Variants in ADGRV1 observed in about 807,000 individuals in gnomAD.
ADGRV1 encodes the protein adhesion G protein-coupled receptor V1.
ADGRV1 carries 359 observed loss-of-function variants against 596.2 expected under a neutral mutation model. The ratio of observed to expected loss-of-function variants is 0.60; its 90% CI spans 0.55 to 0.66. ADGRV1 has a LOEUF of 0.66. Among genes scored for constraint, ADGRV1 ranks in the 30% least tolerant of loss-of-function variants. ADGRV1 has a pLI of 0.00. For synonymous variants in ADGRV1, 2,681 were observed against 2,679.2 expected, an observed-to-expected ratio of 1.00 and a Z score of -0.02; for missense variants, 7,274 against 7,575.6, an observed-to-expected ratio of 0.96 and a Z score of 1.48.
At chr5:90,812,388 A>T (rs531673210) in intron 74 of ADGRV1, among the ~76,000 whole-genome samples, 1 of 152,364 alleles carries the variant, frequency 6.6e-6, no homozygotes, top group South Asian at 2.1e-4. Context: ...GGTACAAGGA[A>T]TGATGTTATG....
chr5:91,061,310 G>A (rs998939993), intron 85 of ADGRV1, among the ~76,000 whole-genome samples: 2 of 152,194 alleles, frequency 1.3e-5, no homozygotes, highest in Admixed American at 1.3e-4. Context: ...AAGTTGGCAA[G>A]CGGTGTCCAG....
chr5:90,600,728 A>G (rs915376240), intron 1 of ADGRV1, among the ~76,000 whole-genome samples: 55 of 152,334 alleles, frequency 3.6e-4, no homozygotes, highest in African/African-American at 1.3e-3. Context: ...AGGAATTGCC[A>G]CATATTTAGC....
At position 90,706,301 on chromosome 5, in the gene ADGRV1, A is replaced by T; in HGVS notation, c.8637A>T (p.Leu2879=). ...TGAAGAACCAAACAGTAGGAAACCTAGCAGAGCCAGAAGTTGATTTTGTCC... is the reference window on the plus strand; with the variant it reads ...TGAAGAACCAAACAGTAGGAAACCTTGCAGAGCCAGAAGTTGATTTTGTCC... ...LSLKNQTVGN[L]AEPEVDFVPI... Residue 2879 remains leucine, a synonymous_variant, in exon 38 of 90, where the codon CTA becomes CTT. Transcript: ENST00000405460. The T allele has an allele frequency of 6.2e-7, 1 of 1,613,632 alleles. No individual in the cohort carries two copies. Among genetic ancestry groups the T allele is most frequent in the Non-Finnish European group, 8.5e-7 (1 of 1,179,684 alleles).
chr5:90,750,038 G>A (rs1016282931), intron 52 of ADGRV1, among the ~76,000 whole-genome samples: 1 of 152,148 alleles, frequency 6.6e-6, no homozygotes, highest in African/African-American at 2.4e-5. Flanking sequence ...CAAGGAGAAA[G>A]CTCTAATTCT....
intron 71 of ADGRV1, among the ~76,000 whole-genome samples, chr5:90,804,738 G>A (rs1230509811): frequency 3.3e-5 from 5 of 152,138 alleles, no homozygotes; most frequent in South Asian, 4.2e-4. Context: ...CCCTGGGAAC[G>A]TTGCACATAA....
At position 91,153,393 on chromosome 5, in the gene ADGRV1, A is replaced by G. The variant is rs1339337383; in HGVS notation, c.18797A>G (p.Lys6266Arg). ...QEFDDLIFAL[K>R]TGAGLSVSDN... ...TTTGATGATTTAATATTTGCATTAA[A>G]AACTGGTATGTATGAACCCATGAAC... The change falls in exon 89 of 90, where the codon AAA (lysine) becomes AGA (arginine). Residue 6266 changes from lysine (K) to arginine (R), a missense_variant. By Grantham distance (26) the Lys-to-Arg change is conservative. This residue lies in a region of ADGRV1 where 1,874 missense variants were observed against 1,970.2 expected (regional missense o/e 0.95). Transcript: ENST00000405460. 3 of 1,601,178 alleles carry G rather than the reference A, an allele frequency of 1.9e-6. No homozygotes were observed. The highest frequency in any genetic ancestry group is 2.6e-6 in the Non-Finnish European group (3 of 1,173,256).
intron 88 of ADGRV1, among the ~76,000 whole-genome samples, chr5:91,150,552 A>G (rs977697277): frequency 7.9e-5 from 12 of 152,180 alleles, no homozygotes; most frequent in African/African-American, 2.9e-4. Context: ...AATCTTTCTA[A>G]TTTGACATGT....
At chr5:90,945,501 C>T (rs2150881293) in intron 83 of ADGRV1, among the ~76,000 whole-genome samples, 1 of 152,202 alleles carries the variant, frequency 6.6e-6, no homozygotes, top group Admixed American at 6.5e-5. Context: ...ATTGGCCAAT[C>T]CAGGGCTTGT....
intron 85 of ADGRV1, among the ~76,000 whole-genome samples, chr5:91,008,246 C>T (rs1452314153): frequency 1.3e-5 from 2 of 152,118 alleles, no homozygotes; most frequent in Non-Finnish European, 2.9e-5. Context: ...CAGGAGACAA[C>T]TGACTTGGAG....
intron 2 of ADGRV1, among the ~76,000 whole-genome samples, chr5:90,615,830 C>G (rs1279094965): frequency 6.6e-6 from 1 of 151,768 alleles, no homozygotes; most frequent in Non-Finnish European, 1.5e-5. Context: ...TGATTGAATC[C>G]TAACAATTTT....
chr5:90,910,379 G>C (rs1176334513), intron 83 of ADGRV1, among the ~76,000 whole-genome samples: 1 of 152,154 alleles, frequency 6.6e-6, no homozygotes, highest in Non-Finnish European at 1.5e-5. Flanking sequence ...CTTTGACAAA[G>C]AACCTCACCC....
chr5:90,704,297 C>T, intron 35 of ADGRV1, 92 bp from the exon 36 acceptor site: 2 of 775,320 alleles, frequency 2.6e-6, no homozygotes, highest in Non-Finnish European at 4.1e-6. Context: ...AATATATTTG[C>T]CTGCACAATT....
chr5:91,031,093 GT>G, intron 85 of ADGRV1: 1 of 1,420,550 alleles, frequency 7.0e-7, no homozygotes, highest in Non-Finnish European at 9.8e-7. Flanking sequence ...GTAGCTCAGT[GT>G]TTTGGGATCA....
At chr5:90,795,672 T>G (rs1202034531) in intron 70 of ADGRV1, among the ~76,000 whole-genome samples, 1 of 152,202 alleles carries the variant, frequency 6.6e-6, no homozygotes, top group Non-Finnish European at 1.5e-5. Context: ...CCTCCTCAAG[T>G]GGATCCCTGA....
At chr5:90,655,745 C>G (rs1342001020) in intron 20 of ADGRV1, 1 of 151,736 alleles carries the variant, frequency 6.6e-6, no homozygotes, top group Non-Finnish European at 1.5e-5. Flanking sequence ...CTCACAGTAT[C>G]ATAAAAGGTG....
chr5:90,834,450 A>C (rs1019138874), intron 77 of ADGRV1, among the ~76,000 whole-genome samples: 6 of 152,128 alleles, frequency 3.9e-5, no homozygotes, highest in Admixed American at 6.5e-5. Context: ...CTTACTAAAC[A>C]TGTCATGCTA....
intron 83 of ADGRV1, among the ~76,000 whole-genome samples, chr5:90,944,431 T>C (rs767624868): frequency 1.3e-5 from 2 of 152,170 alleles, no homozygotes; most frequent in Non-Finnish European, 1.5e-5. Context: ...CACATGACAT[T>C]GAAATACCAA....
At chr5:90,759,649 T>C (rs1200210105) in intron 58 of ADGRV1, 61 bp downstream of exon 58, 2 of 1,447,748 alleles carry the variant, frequency 1.4e-6, no homozygotes, top group East Asian at 4.6e-5. Flanking sequence ...TAATTTTGAG[T>C]AGAAAGTGTC....
chr5:91,068,007 T>C (rs560125662), intron 85 of ADGRV1, among the ~76,000 whole-genome samples: 6 of 152,308 alleles, frequency 3.9e-5, no homozygotes, highest in African/African-American at 1.4e-4. Context: ...GTTCAGGTAA[T>C]GATTCAGGCT....
Sources: gnomAD v4.1 joint callset for allele counts (sites outside exome capture counted in the v4.1 genomes callset) on GRCh38, gnomAD v4.1.1 for gene constraint, gnomAD v4.1.1 regional missense constraint, MANE v1.5 for transcripts, NCBI Gene and HGNC (gene_info 2026-07-23, HGNC 2026-07-21) for gene names.